Variants in TMEM108 observed in about 807,000 individuals in gnomAD.
TMEM108 encodes cancer/testis antigen 124.
TMEM108 carries 12 observed loss-of-function variants against 35.1 expected under a neutral mutation model. The observed-to-expected ratio is 0.34, with a 90% CI of 0.22 to 0.55. TMEM108 has a LOEUF of 0.55. Ranked by LOEUF, TMEM108 falls within the 20% of genes least tolerant of loss-of-function variation. The pLI, the probability that TMEM108 is intolerant of heterozygous loss-of-function variation, is 0.89. For missense variants in TMEM108, 680 were observed against 753.3 expected (o/e 0.90, Z 1.14); for synonymous variants, 287 against 308.6 (o/e 0.93, Z 0.73).
chr3:133,228,930 T>G (rs1174633365), intron 2 of TMEM108, among the ~76,000 whole-genome samples: 1 of 152,144 alleles, frequency 6.6e-6, no homozygotes, highest in Non-Finnish European at 1.5e-5. Flanking sequence ...TTAGCAGAAA[T>G]GAGATGAGAA....
At chr3:133,147,629 T>C (rs1011410528) in intron 2 of TMEM108, among the ~76,000 whole-genome samples, 2 of 152,148 alleles carry the variant, frequency 1.3e-5, no homozygotes, top group African/African-American at 4.8e-5. Context: ...TTCTTAACCC[T>C]CTTGAGCCTC....
chr3:133,319,232 G>C (rs1018243672), intron 3 of TMEM108, among the ~76,000 whole-genome samples: 1 of 152,070 alleles, frequency 6.6e-6, no homozygotes. Flanking sequence ...CACTGCCCCC[G>C]CCTGATGATT....
chr3:133,162,668 C>A (rs879480090), intron 2 of TMEM108, among the ~76,000 whole-genome samples: 4 of 152,192 alleles, frequency 2.6e-5, no homozygotes, highest in Non-Finnish European at 5.9e-5. Context: ...CTTTACTGTG[C>A]AAAATATCCA....
rs368890356 is a variant in TMEM108 at position 133,315,306 on chromosome 3, GAGCTTTTGAGTCCT to G, written c.41-64445_41-64432del. Among the ~76,000 whole-genome samples, 380 of 152,346 alleles carry G rather than the reference GAGCTTTTGAGTCCT, an allele frequency of 2.5e-3. 1 individual carries two copies. Among genetic ancestry groups the G allele is most frequent in the African/African-American group, 8.7e-3 (360 of 41,588 alleles). ...ACCCGCAATAAAGAGAAGCCGCTCA[GAGCTTTTGAGTCCT>G]GCTTTATAGGTCCCTGGGGAGGGTC... On this transcript the variant is annotated intron_variant, in intron 3 of 5. Transcript: ENST00000321871.
chr3:133,280,490 A>C (rs1464137379), intron 3 of TMEM108, among the ~76,000 whole-genome samples: 1 of 152,178 alleles, frequency 6.6e-6, no homozygotes. Flanking sequence ...CCCTTCAAGA[A>C]AATTTTTATT....
At chr3:133,375,754 T>C (rs990591267) in intron 3 of TMEM108, among the ~76,000 whole-genome samples, 5 of 152,240 alleles carry the variant, frequency 3.3e-5, no homozygotes, top group African/African-American at 4.8e-5. Flanking sequence ...GGGATTTTTA[T>C]TATACAAATG....
intron 2 of TMEM108, among the ~76,000 whole-genome samples, chr3:133,113,858 G>A (rs1040150957): frequency 1.3e-5 from 2 of 152,274 alleles, no homozygotes; most frequent in South Asian, 4.2e-4. Context: ...GGTCTTGTTT[G>A]TTGATTTTCA....
chr3:133,178,324 G>T (rs370480449), intron 2 of TMEM108, among the ~76,000 whole-genome samples: 3 of 152,126 alleles, frequency 2.0e-5, no homozygotes, highest in South Asian at 4.2e-4. Flanking sequence ...AGTTCATATG[G>T]AACCAAAAAA....
chr3:133,315,786 G>A (rs535762042), intron 3 of TMEM108, among the ~76,000 whole-genome samples: 1 of 152,282 alleles, frequency 6.6e-6, no homozygotes, highest in Non-Finnish European at 1.5e-5. Flanking sequence ...CCCAACTTTG[G>A]CAATGGACAA....
intron 1 of TMEM108, chr3:133,041,766 G>A (rs530858904): frequency 3.4e-4 from 51 of 152,196 alleles, no homozygotes; most frequent in African/African-American, 1.1e-3. Flanking sequence ...CAACTTAATC[G>A]TTTCTAATTA....
rs115095712 is a variant in TMEM108, at chr3:133,322,334, G to A, written c.41-57418G>A. ...AAATAAGCTCAATTAGAAATGAAAC[G>A]AGAGATACTACAACTGACACCACAG... On this transcript the variant is annotated intron_variant, in intron 3 of 5. Transcript: ENST00000321871. 5.8e-3 allele frequency among the ~76,000 whole-genome samples: 888 copies of A among 151,972 alleles called. 6 individuals carry two copies. Among genetic ancestry groups the A allele is most frequent in the African/African-American group, 0.02 (833 of 41,476 alleles).
intron 2 of TMEM108, among the ~76,000 whole-genome samples, chr3:133,199,879 A>G (rs1221967307): frequency 6.6e-6 from 1 of 152,188 alleles, no homozygotes; most frequent in Non-Finnish European, 1.5e-5. Flanking sequence ...AGTCTACAGA[A>G]GCAGGCAGGC....
At chr3:133,195,831 C>T (rs1477457096) in intron 2 of TMEM108, among the ~76,000 whole-genome samples, 1 of 152,186 alleles carries the variant, frequency 6.6e-6, no homozygotes, top group Non-Finnish European at 1.5e-5. Flanking sequence ...GAGCTTTGAA[C>T]ACAAACAGTA....
chr3:133,195,511 C>T (rs969396574), intron 2 of TMEM108, among the ~76,000 whole-genome samples: 2 of 152,130 alleles, frequency 1.3e-5, no homozygotes, highest in Non-Finnish European at 2.9e-5. Context: ...TCTTGTAATG[C>T]AGCATACGGT....
At chr3:133,260,281 C>T (rs1273541914) in intron 3 of TMEM108, among the ~76,000 whole-genome samples, 1 of 44,526 alleles carries the variant, frequency 2.2e-5, no homozygotes, top group East Asian at 7.0e-4. Flanking sequence ...GGAATCTAGA[C>T]AATAGTAAAA....
At chr3:133,340,161 G>GT (rs77125723) in intron 3 of TMEM108, among the ~76,000 whole-genome samples, 3,340 of 149,662 alleles carry the variant, frequency 0.022, 130 homozygotes, top group African/African-American at 0.075. Flanking sequence ...ACAAAAAGTT[G>GT]TTTTTTTTTG....
At chr3:133,295,794 G>T (rs1947137008) in intron 3 of TMEM108, among the ~76,000 whole-genome samples, 1 of 152,182 alleles carries the variant, frequency 6.6e-6, no homozygotes, top group Non-Finnish European at 1.5e-5. Context: ...CGTAATTACA[G>T]GCCAGAAGTT....
At chr3:133,146,918 G>A (rs1944729808) in intron 2 of TMEM108, among the ~76,000 whole-genome samples, 2 of 152,004 alleles carry the variant, frequency 1.3e-5, no homozygotes, top group Admixed American at 6.6e-5. Flanking sequence ...CCAGCTCCTG[G>A]ATTCATTGAT....
intron 3 of TMEM108, among the ~76,000 whole-genome samples, chr3:133,361,607 A>G (rs1422273801): frequency 6.6e-6 from 1 of 152,004 alleles, no homozygotes; most frequent in African/African-American, 2.4e-5. Flanking sequence ...AATCACCTGA[A>G]GATTTGCCCA....
Sources: allele counts gnomAD v4.1 joint callset (sites outside exome capture counted in the v4.1 genomes callset), GRCh38; gene constraint gnomAD v4.1.1; transcripts MANE v1.5; gene names NCBI Gene and HGNC (gene_info 2026-07-23, HGNC 2026-07-21).